Variants in DRC11 observed in about 807,000 individuals in gnomAD.
DRC11 encodes the protein dynein regulatory complex subunit 11.
chr2:236,487,932 A>C, the DRC11 span: 1 of 1,124,832 alleles, frequency 8.9e-7, no homozygotes, highest in Non-Finnish European at 1.2e-6. Context: ...GCTCAGCCCC[A>C]AAATTGAGAT....
chr2:236,395,482 T>TA, the DRC11 span, among the ~76,000 whole-genome samples: 35 of 152,314 alleles, frequency 2.3e-4, no homozygotes, highest in African/African-American at 7.5e-4. Flanking sequence ...TGCACTCCCT[T>TA]AGATTTTGTG....
the DRC11 span, among the ~76,000 whole-genome samples, chr2:236,313,800 A>G: frequency 6.6e-6 from 1 of 152,186 alleles, no homozygotes; most frequent in African/African-American, 2.4e-5. This position sits in a 1 kb window ranked among gnomAD's most constrained non-coding sequence, Gnocchi z 4.5. Flanking sequence ...GAGTGAAAAA[A>G]GCCAATCCTA....
the DRC11 span, among the ~76,000 whole-genome samples, chr2:236,357,950 TAA>T: frequency 6.3e-5 from 6 of 94,926 alleles, no homozygotes; most frequent in South Asian, 2.9e-4. Context: ...ATATAATATA[TAA>T]ATATATATAA....
At chr2:236,326,178 T>C in the DRC11 span, among the ~76,000 whole-genome samples, 1 of 152,280 alleles carries the variant, frequency 6.6e-6, no homozygotes, top group South Asian at 2.1e-4. Flanking sequence ...TTACTAGGAG[T>C]TTATTAGTTA....
At chr2:236,481,397 G>A in the DRC11 span, among the ~76,000 whole-genome samples, 28 of 152,168 alleles carry the variant, frequency 1.8e-4, no homozygotes, top group Middle Eastern at 3.4e-3. Context: ...GGCAGATTGC[G>A]GGGAGGAGCA....
chr2:236,371,145 G>A, the DRC11 span, among the ~76,000 whole-genome samples: 5 of 151,842 alleles, frequency 3.3e-5, no homozygotes, highest in Non-Finnish European at 7.4e-5. This position sits in a 1 kb window ranked among gnomAD's most constrained non-coding sequence, Gnocchi z 5.1. Context: ...GCCCTGCCTG[G>A]ATGAAGGGCT....
At chr2:236,459,510 TACGTATAC>T in the DRC11 span, among the ~76,000 whole-genome samples, 1 of 102,766 alleles carries the variant, frequency 9.7e-6, no homozygotes, top group Non-Finnish European at 2.1e-5. Context: ...TGTATACGTA[TACGTATAC>T]ATGTATACAT....
the DRC11 span, among the ~76,000 whole-genome samples, chr2:236,336,360 G>A: frequency 6.6e-6 from 1 of 152,084 alleles, no homozygotes; most frequent in East Asian, 1.9e-4. This position sits in a 1 kb window ranked among gnomAD's most constrained non-coding sequence, Gnocchi z 7.3. Context: ...GATTGGAGAA[G>A]GAAGAACAGA....
At chr2:236,366,576 G>C in the DRC11 span, among the ~76,000 whole-genome samples, 1 of 151,192 alleles carries the variant, frequency 6.6e-6, no homozygotes, top group African/African-American at 2.4e-5. Flanking sequence ...CTTTTGGACA[G>C]TAGGTTCCTC....
chr2:236,346,924 G>C, the DRC11 span, among the ~76,000 whole-genome samples: 1 of 152,144 alleles, frequency 6.6e-6, no homozygotes, highest in African/African-American at 2.4e-5. Flanking sequence ...AGGGACATTC[G>C]ACTGGTAAGG....
chr2:236,322,365 G>A, the DRC11 span, among the ~76,000 whole-genome samples: 2 of 151,382 alleles, frequency 1.3e-5, no homozygotes, highest in African/African-American at 2.4e-5. Context: ...CTCCCGAGTA[G>A]CTGGGACTAC....
the DRC11 span, among the ~76,000 whole-genome samples, chr2:236,357,389 AT>A: frequency 1.1e-5 from 1 of 93,196 alleles, no homozygotes; most frequent in Non-Finnish European, 2.0e-5. Flanking sequence ...TAGTATAGAT[AT>A]TATATAGTAT....
the DRC11 span, among the ~76,000 whole-genome samples, chr2:236,321,030 C>T: frequency 6.6e-6 from 1 of 152,216 alleles, no homozygotes; most frequent in Non-Finnish European, 1.5e-5. Flanking sequence ...ACCATGCCTT[C>T]TCCTACTGAG....
the DRC11 span, chr2:236,407,790 TCAGTGGAA>T: frequency 3.5e-6 from 1 of 286,540 alleles, no homozygotes; most frequent in Non-Finnish European, 6.9e-6. Flanking sequence ...TTTTTTTTTT[TCAGTGGAA>T]AATAACTTTT....
chr2:236,318,966 G>C, the DRC11 span, among the ~76,000 whole-genome samples: 1 of 152,182 alleles, frequency 6.6e-6, no homozygotes, highest in Non-Finnish European at 1.5e-5. This position sits in a 1 kb window ranked among gnomAD's most constrained non-coding sequence, Gnocchi z 7.0. Context: ...TCAAGAGGTG[G>C]TGGACAGACG....
the DRC11 span, among the ~76,000 whole-genome samples, chr2:236,311,269 T>G: frequency 1.3e-5 from 2 of 151,936 alleles, no homozygotes; most frequent in African/African-American, 2.4e-5. The surrounding 1 kb of genome is among the most constrained non-coding windows in gnomAD (Gnocchi z 6.9). Context: ...CACACCTGGG[T>G]GGGTTGTGTT....
the DRC11 span, among the ~76,000 whole-genome samples, chr2:236,337,748 C>G: frequency 6.6e-6 from 1 of 151,806 alleles, no homozygotes; most frequent in African/African-American, 2.4e-5. This position sits in a 1 kb window ranked among gnomAD's most constrained non-coding sequence, Gnocchi z 4.9. Flanking sequence ...AAAGTAAGCT[C>G]TCGTTGTATT....
the DRC11 span, among the ~76,000 whole-genome samples, chr2:236,345,689 T>C: frequency 1.3e-5 from 2 of 152,214 alleles, no homozygotes; most frequent in African/African-American, 4.8e-5. Context: ...CCATGAATAA[T>C]TGCTGTACAC....
At chr2:236,381,525 C>T in the DRC11 span, among the ~76,000 whole-genome samples, 1 of 152,216 alleles carries the variant, frequency 6.6e-6, no homozygotes, top group Middle Eastern at 3.4e-3. This position sits in a 1 kb window ranked among gnomAD's most constrained non-coding sequence, Gnocchi z 5.8. Flanking sequence ...TTATAAATTA[C>T]TCAGCCTAAG....
Sources: gnomAD v4.1 joint callset for allele counts (sites outside exome capture counted in the v4.1 genomes callset) on GRCh38, gnomAD v4.1.1 for gene constraint, Gnocchi (gnomAD v3.1) non-coding constraint, MANE v1.5 for transcripts, NCBI Gene and HGNC (gene_info 2026-07-23, HGNC 2026-07-21) for gene names.